OPTC: variants seen among roughly 807,000 people sequenced by gnomAD.
The protein encoded by OPTC is opticin.
In OPTC, 22 loss-of-function variants were observed where a neutral mutation model predicts 25.4. That is an observed-to-expected ratio of 0.87 (90% CI 0.62 to 1.24). OPTC has a LOEUF of 1.24. Ranked by LOEUF, OPTC falls within the 50% of genes most tolerant of loss-of-function variation. The pLI, the probability that OPTC is intolerant of heterozygous loss-of-function variation, is 0.00. For missense variants in OPTC, 417 were observed against 425.2 expected, an observed-to-expected ratio of 0.98 and a Z score of 0.17; for synonymous variants, 169 against 179.3, an observed-to-expected ratio of 0.94 and a Z score of 0.46.
At chr1:203,505,498 G>T (rs371454919) in intron 7 of OPTC, among the ~76,000 whole-genome samples, 188 of 152,278 alleles carry the variant, frequency 1.2e-3, no homozygotes, top group African/African-American at 4.0e-3. Flanking sequence ...TGGGCCACGT[G>T]GAAAGGAATC....
At chr1:203,496,370 C>T in intron 2 of OPTC, 134 bp downstream of exon 2, 1 of 715,422 alleles carries the variant, frequency 1.4e-6, no homozygotes, top group Non-Finnish European at 2.5e-6. Context: ...ATTCTTATCC[C>T]TCCATAGGGA....
In OPTC at chr1:203,498,076, T is replaced by G. The variant is rs573254385; in HGVS notation, c.371-605T>G. Among the ~76,000 whole-genome samples, 4 of 152,290 alleles carry G rather than the reference T, an allele frequency of 2.6e-5. No homozygotes were observed. The South Asian group carries it at 8.3e-4, about 32-fold the overall frequency. ...GATCCAATAAAGTCTCCCCAACTAC[T>G]TGGGGTGGCTGACCTGGCCTAACCT... On this transcript the variant is annotated intron_variant, in intron 3 of 7. Coordinates refer to ENST00000367222, the MANE Select transcript of OPTC (RefSeq NM_014359.4).
chr1:203,503,471 G>A (rs1277050031), intron 6 of OPTC, 79 bp from the exon 7 acceptor site: 1 of 1,403,524 alleles, frequency 7.1e-7, no homozygotes, highest in Non-Finnish European at 1.0e-6. Flanking sequence ...AGCTGGTAGG[G>A]ACAGCTGATG....
chr1:203,494,248 C>G (rs937875787), intron 1 of OPTC, 31 bp downstream of exon 1: 1 of 151,868 alleles, frequency 6.6e-6, no homozygotes. Context: ...CTCTGGCCAT[C>G]GGTGCGCAAA....
At chr1:203,497,597 G>A (rs990323678) in intron 3 of OPTC, among the ~76,000 whole-genome samples, 7 of 152,146 alleles carry the variant, frequency 4.6e-5, no homozygotes, top group South Asian at 2.1e-4. Flanking sequence ...TGGAGGCTGC[G>A]GCTGGCATCC....
chr1:203,497,111 C>T lies in OPTC; in HGVS notation c.366C>T (p.Asn122=). ...GGCTGCTACTGAGTTCCCAGCCCAA[C>T]CATGGTAAGTGCACAGTCACATGGT... ...TAGLLLSSQP[N]HGLPTCLVCV... is the part of the protein sequence containing the mutation. Residue 122 remains asparagine (N), a synonymous_variant, in exon 3 of 8, where the codon AAC becomes AAT. Coordinates refer to ENST00000367222, the MANE Select transcript of OPTC (RefSeq NM_014359.4). The T allele has an allele frequency of 6.2e-7, 1 of 1,614,008 alleles. No homozygotes were observed.
chr1:203,504,623 A>G (rs1204856628), intron 7 of OPTC, among the ~76,000 whole-genome samples: 2 of 152,210 alleles, frequency 1.3e-5, no homozygotes, highest in African/African-American at 4.8e-5. Flanking sequence ...TCTATAGGGC[A>G]TTCCTTCATT....
chr1:203,499,733 A>C lies in OPTC; in HGVS notation c.614A>C (p.Asp205Ala). The change falls in exon 5 of 8, where the codon GAC (aspartate) becomes GCC (alanine). Residue 205 changes from aspartate (D) to alanine (A), a missense_variant. Coordinates refer to ENST00000367222, the MANE Select transcript of OPTC (RefSeq NM_014359.4). ...DAFRLLHALQ[D>A]LILPENQLEA... ...TTCCGCCTGCTACATGCCCTCCAGG[A>C]CCTCATCCTCCCAGAGAACCAGTTG... 6.2e-7 allele frequency: 1 copy of C among 1,613,258 alleles called. No individual in the cohort carries two copies. Among genetic ancestry groups the C allele is most frequent in the Non-Finnish European group, 8.5e-7 (1 of 1,179,914 alleles).
chr1:203,496,512 C>A (rs1028047154), intron 2 of OPTC, among the ~76,000 whole-genome samples: 1 of 152,182 alleles, frequency 6.6e-6, no homozygotes, highest in African/African-American at 2.4e-5. Flanking sequence ...TCATCATATT[C>A]TCTAGGAAAT....
rs946505748 is a variant in OPTC at position 203,503,747 on chromosome 1, T to C, written c.*25+2T>C. 3 of 1,598,286 alleles carry C rather than the reference T, an allele frequency of 1.9e-6. No individual in the cohort carries two copies. Among genetic ancestry groups the C allele is most frequent in the Non-Finnish European group, 2.5e-6 (3 of 1,179,538 alleles). Reference sequence around the variant, plus strand: ...TCGGAGCCCTTCCACTCCTCCCAGGTAAGAACCCTCCAAGGACCATGCAGG... The same window carrying C: ...TCGGAGCCCTTCCACTCCTCCCAGGCAAGAACCCTCCAAGGACCATGCAGG... On this transcript the variant is annotated splice_donor_variant, in intron 7 of 7. Coordinates refer to ENST00000367222, the MANE Select transcript of OPTC (RefSeq NM_014359.4). LOFTEE classifies it low-confidence loss of function (3UTR_SPLICE).
Position 203,494,691 on chromosome 1 carries a change from A to T in OPTC, c.-42+474A>T, listed in dbSNP as rs115425100. On this transcript the variant is annotated intron_variant, in intron 1 of 7. Transcript: ENST00000367222. ...AAAATTAAAAGATAAAAAAAATTTTAAAAGAAAGAAAGAGGGAGAGTCTAC... is the reference window on the plus strand; with the variant it reads ...AAAATTAAAAGATAAAAAAAATTTTTAAAGAAAGAAAGAGGGAGAGTCTAC... Among the ~76,000 whole-genome samples the T allele has an allele frequency of 2.7e-3, 410 of 152,316 alleles. 2 individuals carry two copies. The highest frequency in any genetic ancestry group is 9.2e-3 in the African/African-American group (384 of 41,586).
intron 3 of OPTC, 124 bp downstream of exon 3, chr1:203,497,239 T>C: frequency 1.0e-6 from 1 of 985,012 alleles, no homozygotes; most frequent in Non-Finnish European, 1.6e-6. Flanking sequence ...AGGGCTACCC[T>C]TACTAGCAGG....
rs72743634 is a variant in OPTC, at chr1:203,499,983, T to C, written c.732+132T>C. The C allele has an allele frequency of 0.02, 10,271 of 523,508 alleles. 164 individuals carry two copies. The highest frequency in any genetic ancestry group is 0.046 in the Admixed American group (1,490 of 32,214). 32.4% of individuals were successfully genotyped at this position (523,508 alleles called of 1,614,324 possible). On this transcript the variant is annotated intron_variant, in intron 5 of 7. Coordinates refer to ENST00000367222, the MANE Select transcript of OPTC (RefSeq NM_014359.4). ...CCACCTCTACCACCCACCTCCACCA[T>C]CACCCACCTCTACCACCACCCACTT...
intron 7 of OPTC, among the ~76,000 whole-genome samples, chr1:203,504,071 G>C (rs1334240924): frequency 2.0e-5 from 3 of 152,202 alleles, no homozygotes; most frequent in African/African-American, 4.8e-5. Context: ...AGAGGAAGAG[G>C]GGGAGGAGGA....
chr1:203,503,641 A>G lies in OPTC; in HGVS notation c.920A>G (p.Asp307Gly), dbSNP rs1458775914. The change falls in exon 7 of 8, where the codon GAT becomes GGT. Residue 307 changes from aspartate (D) to glycine (G), a missense_variant. By Grantham distance (94) the Asp-to-Gly change is moderately conservative (BLOSUM62 -1). Transcript: ENST00000367222. ...TRRQLEDIRL[D>G]GNPINLSLFP... ...AGGCAGCTGGAAGACATCCGCCTGG[A>G]TGGCAACCCCATCAACCTCAGCCTC... 3.1e-6 allele frequency: 5 copies of G among 1,613,434 alleles called. No individual in the cohort carries two copies. The South Asian group carries it at 5.5e-5, about 18-fold the overall frequency.
At chr1:203,503,448 C>A in intron 6 of OPTC, 102 bp from the exon 7 acceptor site, 1 of 1,214,780 alleles carries the variant, frequency 8.2e-7, no homozygotes, top group Non-Finnish European at 1.2e-6. Context: ...TCCAGTTGCA[C>A]CAGAGCAGGC....
rs191508318 is a variant in OPTC at position 203,495,950 on chromosome 1, G to C, written c.-41-15G>C. ...GTCCCTCAGATCGCTGCCCTTCCTC[G>C]TGCCCACTTGCCAGGACCAGCCGCT... On this transcript the variant is annotated splice_polypyrimidine_tract_variant and intron_variant, in intron 1 of 7. Coordinates refer to ENST00000367222, the MANE Select transcript of OPTC (RefSeq NM_014359.4). 3.2e-6 allele frequency: 4 copies of C among 1,241,844 alleles called. No homozygotes were observed. The highest frequency in any genetic ancestry group is 2.5e-5 in the East Asian group (1 of 40,106). The allele number at this position is 1,241,844 out of a possible 1,614,324, so 76.9% of individuals were successfully genotyped here. A position where few individuals can be genotyped will look rare whatever the true frequency, so the allele number is the denominator to read the frequency against.
At chr1:203,500,034 G>T (rs1442034108) in intron 5 of OPTC, among the ~76,000 whole-genome samples, 183 bp downstream of exon 5, 1 of 3,972 alleles carries the variant, frequency 2.5e-4, no homozygotes, top group Non-Finnish European at 4.9e-4. Context: ...ACCTACCACC[G>T]CCACCACCAC....
In OPTC at chr1:203,503,661, A is replaced by C; in HGVS notation, c.940A>C (p.Ser314Arg). Residue 314 changes from serine to arginine, a missense_variant, in exon 7 of 8, where the codon AGC becomes CGC. Physicochemically the swap from Ser to Arg is moderately radical, Grantham distance 110. Transcript: ENST00000367222. ...CCTGGATGGCAACCCCATCAACCTC[A>C]GCCTCTTCCCCAGCGCCTACTTCTG... ...IRLDGNPINL[S>R]LFPSAYFCLP... The C allele has an allele frequency of 6.2e-7, 1 of 1,613,026 alleles. No individual in the cohort carries two copies. The highest frequency in any genetic ancestry group is 8.5e-7 in the Non-Finnish European group (1 of 1,180,000).
Sources: gnomAD v4.1 joint callset for allele counts (sites outside exome capture counted in the v4.1 genomes callset) on GRCh38, gnomAD v4.1.1 for gene constraint, MANE v1.5 for transcripts, NCBI Gene and HGNC (gene_info 2026-07-23, HGNC 2026-07-21) for gene names.